ASIC2: variants seen among roughly 807,000 people sequenced by gnomAD.
The protein encoded by ASIC2 is acid-sensing ion channel 2.
ASIC2 carries 25 observed loss-of-function variants against 57.3 expected under a neutral mutation model. That is an observed-to-expected ratio of 0.44 (90% CI 0.32 to 0.61). ASIC2 has a LOEUF of 0.61. Ranked by LOEUF, ASIC2 falls within the 20% of genes least tolerant of loss-of-function variation. The probability of loss-of-function intolerance (pLI) is 0.06; values close to 1 mark genes in which losing one functional copy is unlikely to be tolerated. For synonymous variants in ASIC2, 319 were observed against 307.5 expected (o/e 1.04, Z -0.39); for missense variants, 641 against 738.1 (o/e 0.87, Z 1.52).
chr17:33,516,361 T>A (rs1567636708), intron 1 of ASIC2, among the ~76,000 whole-genome samples: 2 of 150,548 alleles, frequency 1.3e-5, no homozygotes, highest in Non-Finnish European at 1.5e-5. Flanking sequence ...TGTGTGTGTG[T>A]GAGTGTGAGT....
In ASIC2 at chr17:33,370,174, G is replaced by A. The variant is rs1045428788; in HGVS notation, c.556-258107C>T. ...GAGGCTCAGTTTCTGCAACCTACAG[G>A]GAGCAAAAATCTGAGCCCGCAATGC... On this transcript the variant is annotated intron_variant, in intron 1 of 9. Coordinates refer to the ASIC2 transcript ENST00000359872. 9.9e-5 allele frequency among the ~76,000 whole-genome samples: 15 copies of A among 152,228 alleles called. 1 individual carries two copies. The highest frequency in any genetic ancestry group is 3.4e-4 in the African/African-American group (14 of 41,530).
intron 1 of ASIC2, among the ~76,000 whole-genome samples, chr17:33,650,998 C>A (rs528231778): frequency 1.3e-5 from 2 of 152,288 alleles, no homozygotes; most frequent in South Asian, 2.1e-4. Context: ...AAAAGGCATA[C>A]AGGATCTCTC....
chr17:33,979,303 G>T (rs1235802861), intron 1 of ASIC2, among the ~76,000 whole-genome samples: 2 of 152,114 alleles, frequency 1.3e-5, no homozygotes, highest in African/African-American at 4.8e-5. Context: ...TATAGCTGCT[G>T]CTCCATGCCT....
At chr17:33,141,780 G>A (rs1351855981) in intron 1 of ASIC2, among the ~76,000 whole-genome samples, 1 of 152,188 alleles carries the variant, frequency 6.6e-6, no homozygotes, top group Non-Finnish European at 1.5e-5. Flanking sequence ...GTTGACCTGA[G>A]CTTCTCCCAG....
chr17:33,268,384 TC>T (rs1909559466), intron 1 of ASIC2, among the ~76,000 whole-genome samples: 1 of 151,892 alleles, frequency 6.6e-6, no homozygotes, highest in South Asian at 2.1e-4. Flanking sequence ...CATCCATCCA[TC>T]CATCCATCTA....
At chr17:34,062,049 A>T (rs1908989064) in intron 1 of ASIC2, among the ~76,000 whole-genome samples, 1 of 152,210 alleles carries the variant, frequency 6.6e-6, no homozygotes, top group African/African-American at 2.4e-5. Flanking sequence ...CGAACATTTC[A>T]TCCAACAACC....
chr17:33,994,834 C>A (rs1906104105), intron 1 of ASIC2, among the ~76,000 whole-genome samples: 1 of 152,040 alleles, frequency 6.6e-6, no homozygotes. Context: ...TTTTACTGAT[C>A]CCAGATTGGC....
chr17:33,374,463 C>T (rs1189480965), intron 1 of ASIC2, among the ~76,000 whole-genome samples: 1 of 152,130 alleles, frequency 6.6e-6, no homozygotes, highest in Non-Finnish European at 1.5e-5. Context: ...ACCAGCAGCA[C>T]CTATTTCCCA....
At chr17:33,366,039 G>A (rs906377088) in intron 1 of ASIC2, among the ~76,000 whole-genome samples, 1 of 152,204 alleles carries the variant, frequency 6.6e-6, no homozygotes, top group Non-Finnish European at 1.5e-5. Flanking sequence ...CCTGGGGTCA[G>A]CATCAGTGAC....
At chr17:33,095,412 G>C (rs1187546620) in intron 2 of ASIC2, among the ~76,000 whole-genome samples, 2 of 152,154 alleles carry the variant, frequency 1.3e-5, no homozygotes, top group Non-Finnish European at 2.9e-5. Flanking sequence ...GATCTCTTGG[G>C]GACAGGGTCA....
chr17:33,078,094 TG>T (rs1348504008), intron 3 of ASIC2, among the ~76,000 whole-genome samples: 1 of 152,070 alleles, frequency 6.6e-6, no homozygotes, highest in African/African-American at 2.4e-5. Context: ...AACCAAAGCA[TG>T]GTCTGATTTA....
At chr17:33,035,116 G>A (rs956372523) in intron 3 of ASIC2, among the ~76,000 whole-genome samples, 12 of 152,068 alleles carry the variant, frequency 7.9e-5, no homozygotes, top group African/African-American at 2.9e-4. Context: ...TTGATTCCAT[G>A]CAACAATTTG....
chr17:33,574,608 C>T (rs1186260791), intron 1 of ASIC2, among the ~76,000 whole-genome samples: 1 of 152,164 alleles, frequency 6.6e-6, no homozygotes, highest in Admixed American at 6.5e-5. Context: ...CAGGCATTGC[C>T]AAATGTCCCC....
intron 1 of ASIC2, among the ~76,000 whole-genome samples, chr17:33,724,479 G>A (rs576844624): frequency 6.6e-6 from 1 of 152,332 alleles, no homozygotes; most frequent in East Asian, 1.9e-4. Flanking sequence ...GGTAAAGGGT[G>A]TAAGTGGAAG....
chr17:33,993,995 T>C (rs1191573887), intron 1 of ASIC2, among the ~76,000 whole-genome samples: 5 of 152,156 alleles, frequency 3.3e-5, no homozygotes, highest in Non-Finnish European at 2.9e-5. Context: ...GAGTAGTGAA[T>C]GTGTCTTTTT....
intron 1 of ASIC2, among the ~76,000 whole-genome samples, chr17:33,391,650 C>T (rs1261338987): frequency 6.6e-6 from 1 of 152,206 alleles, no homozygotes; most frequent in African/African-American, 2.4e-5. Flanking sequence ...TATCTAAGTG[C>T]CTTGACCTTG....
chr17:33,942,504 C>A (rs750725434), intron 1 of ASIC2, among the ~76,000 whole-genome samples: 9 of 152,168 alleles, frequency 5.9e-5, no homozygotes, highest in Non-Finnish European at 1.5e-5. Context: ...CTTCCACCTC[C>A]TTTTCTCCTT....
At chr17:34,122,062 C>T (rs1911638430) in intron 1 of ASIC2, among the ~76,000 whole-genome samples, 1 of 152,212 alleles carries the variant, frequency 6.6e-6, no homozygotes, top group Non-Finnish European at 1.5e-5. Flanking sequence ...AGAGCAGGTG[C>T]CCAACAAATG....
chr17:34,110,961 T>C (rs1598032151), intron 1 of ASIC2, among the ~76,000 whole-genome samples: 1 of 152,166 alleles, frequency 6.6e-6, no homozygotes, highest in African/African-American at 2.4e-5. Context: ...CGGTGGCTCA[T>C]GCCTGTAATC....
Sources: gnomAD v4.1 joint callset for allele counts (sites outside exome capture counted in the v4.1 genomes callset) on GRCh38, gnomAD v4.1.1 for gene constraint, MANE v1.5 for transcripts, NCBI Gene and HGNC (gene_info 2026-07-23, HGNC 2026-07-21) for gene names.